Variants in CEACAM6 observed in about 807,000 individuals in gnomAD.
CEACAM6 encodes cell adhesion molecule CEACAM6.
In CEACAM6, 21 loss-of-function variants were observed where a neutral mutation model predicts 32.4. The ratio of observed to expected loss-of-function variants is 0.65; its 90% CI spans 0.46 to 0.93. The LOEUF (loss-of-function observed/expected upper bound fraction) is 0.93, where lower values mean the gene tolerates loss of function less well. Among genes scored for constraint, CEACAM6 ranks in the 40% least tolerant of loss-of-function variants. The pLI is 0.00. For missense variants in CEACAM6, 406 were observed against 432.2 expected, an observed-to-expected ratio of 0.94 and a Z score of 0.54; for synonymous variants, 184 against 174.4, an observed-to-expected ratio of 1.06 and a Z score of -0.43.
intron 2 of CEACAM6, among the ~76,000 whole-genome samples, chr19:41,759,305 A>C (rs2072908680): frequency 6.6e-6 from 1 of 152,232 alleles, no homozygotes; most frequent in South Asian, 2.1e-4. Flanking sequence ...GACTCTGCCC[A>C]GTTTAGATGA....
intron 4 of CEACAM6, among the ~76,000 whole-genome samples, chr19:41,763,285 C>T (rs932960704): frequency 6.6e-6 from 1 of 152,188 alleles, no homozygotes; most frequent in Non-Finnish European, 1.5e-5. Context: ...TGACCCACAG[C>T]CTGACCCCTG....
At chr19:41,763,772 C>A (rs1479429348) in intron 4 of CEACAM6, among the ~76,000 whole-genome samples, 1 of 152,204 alleles carries the variant, frequency 6.6e-6, no homozygotes, top group African/African-American at 2.4e-5. Context: ...CGGCAATCTT[C>A]TCTCTGTTTT....
intron 4 of CEACAM6, among the ~76,000 whole-genome samples, chr19:41,762,774 G>A (rs1476984194): frequency 6.6e-6 from 1 of 152,162 alleles, no homozygotes. Context: ...ACCTAAGGTG[G>A]AACCAGGGCA....
Position 41,769,915 on chromosome 19 carries a change from C to T in CEACAM6, c.*41-887C>T, listed in dbSNP as rs370322259. Among the ~76,000 whole-genome samples the T allele has an allele frequency of 2.3e-3, 340 of 149,130 alleles. 1 individual carries two copies. Among genetic ancestry groups the T allele is most frequent in the African/African-American group, 7.8e-3 (320 of 40,896 alleles). The stretch of plus-strand genomic sequence containing the variant: ...TTATTTGCTCAATAAAAATCTGCTC[C>T]CTTTATAACAGGATACATTTGAAAA... On this transcript the variant is annotated intron_variant, in intron 5 of 5. Transcript: ENST00000199764.
At position 41,756,839 on chromosome 19, in the gene CEACAM6, T is replaced by C. The variant is rs1555821195; in HGVS notation, c.304T>C (p.Tyr102His). ...CGCATACAGTGGTCGAGAGACAATA[T>C]ACCCCAATGCATCCCTGCTGATCCA... ...GPAYSGRETI[Y>H]PNASLLIQNV... The change falls in exon 2 of 6, where the codon TAC becomes CAC. Residue 102 changes from tyrosine (Y) to histidine (H), a missense_variant. Tyr to His is a moderately conservative substitution (Grantham distance 83). Transcript: ENST00000199764. 1.2e-6 allele frequency: 2 copies of C among 1,613,958 alleles called. No individual in the cohort carries two copies. Among genetic ancestry groups the C allele is most frequent in the Non-Finnish European group, 1.7e-6 (2 of 1,180,014 alleles).
At position 41,757,451 on chromosome 19, in the gene CEACAM6, G is replaced by A. The variant is rs1488176210; in HGVS notation, c.424+492G>A. 2.6e-5 allele frequency among the ~76,000 whole-genome samples: 4 copies of A among 152,144 alleles called. No homozygotes were observed. The East Asian group carries it at 7.7e-4, about 29-fold the overall frequency. On this transcript the variant is annotated intron_variant, in intron 2 of 5. Coordinates refer to ENST00000199764, the MANE Select transcript of CEACAM6 (RefSeq NM_002483.7). ...TTGGGCAGGGCTGGCTGGGAGCAAG[G>A]ATGTGAGCTATCCAAGGGCCATGAC...
intron 4 of CEACAM6, among the ~76,000 whole-genome samples, chr19:41,765,342 G>C (rs782786267): frequency 1.3e-5 from 2 of 152,140 alleles, no homozygotes; most frequent in African/African-American, 4.8e-5. Context: ...ATTAACCATC[G>C]CACTGAGATG....
Position 41,761,493 on chromosome 19 carries a change from C to A in CEACAM6, c.669C>A (p.Ala223=). 3 of 1,614,216 alleles carry A rather than the reference C, an allele frequency of 1.9e-6. No homozygotes were observed. Among genetic ancestry groups the A allele is most frequent in the Non-Finnish European group, 1.7e-6 (2 of 1,180,042 alleles). The change falls in exon 3 of 6, where the codon GCC becomes GCA. Residue 223 remains alanine (A), a synonymous_variant. Transcript: ENST00000199764. ...YECEIQNPAS[A]NRSDPVTLNV... is the part of the protein sequence containing the mutation. ...GTGAAATACAGAACCCAGCGAGTGC[C>A]AACCGCAGTGACCCAGTCACCCTGA... is the stretch of plus-strand genomic sequence containing the variant.
Position 41,761,956 on chromosome 19 carries a change from C to A in CEACAM6, c.704-13C>A. On this transcript the variant is annotated splice_polypyrimidine_tract_variant and intron_variant, in intron 3 of 5. Coordinates refer to ENST00000199764, the MANE Select transcript of CEACAM6 (RefSeq NM_002483.7). ...TGACAACATCACCTGTGGCTTTATT[C>A]TGTTTCCTCCAGATGGCCCAGATGT... is the stretch of plus-strand genomic sequence containing the variant. The A allele has an allele frequency of 6.2e-7, 1 of 1,613,478 alleles. No homozygotes were observed. The highest frequency in any genetic ancestry group is 8.5e-7 in the Non-Finnish European group (1 of 1,179,536).
intron 4 of CEACAM6, among the ~76,000 whole-genome samples, chr19:41,763,800 C>T (rs1032180189): frequency 2.0e-5 from 3 of 152,160 alleles, no homozygotes; most frequent in Admixed American, 6.5e-5. Flanking sequence ...GCGGAGCTGC[C>T]CAAGCCCTCG....
chr19:41,765,251 T>C (rs2072949558), intron 4 of CEACAM6, among the ~76,000 whole-genome samples: 1 of 152,172 alleles, frequency 6.6e-6, no homozygotes, highest in African/African-American at 2.4e-5. Flanking sequence ...AGTTACTGTA[T>C]AAATCAAATG....
chr19:41,763,874 A>T (rs573720957), intron 4 of CEACAM6, among the ~76,000 whole-genome samples: 4 of 152,368 alleles, frequency 2.6e-5, no homozygotes, highest in Admixed American at 6.5e-5. Flanking sequence ...ATCTGTGAAC[A>T]GAGATAATTT....
Position 41,755,546 on chromosome 19 carries a change from C to A in CEACAM6, c.-93C>A. 8.3e-7 allele frequency: 1 copy of A among 1,208,216 alleles called. No homozygotes were observed. The highest frequency in any genetic ancestry group is 1.2e-6 in the Non-Finnish European group (1 of 822,964). The allele number at this position is 1,208,216 out of a possible 1,614,324, so 74.8% of individuals were successfully genotyped here. A position where few individuals can be genotyped will look rare whatever the true frequency, so the allele number is the denominator to read the frequency against. ...AGGCTCAGCACAGAAGGAGGAAGGA[C>A]AGCAGGGCCAACAGTCACAGCAGCC... On this transcript the variant is annotated 5_prime_UTR_variant, in exon 1 of 6. Transcript: ENST00000199764.
Position 41,761,544 on chromosome 19 carries a change from CCT to C in CEACAM6, c.703+20_703+21del, listed in dbSNP as rs2072924451. 6.2e-7 allele frequency: 1 copy of C among 1,611,972 alleles called. No homozygotes were observed. Among genetic ancestry groups the C allele is most frequent in the African/African-American group, 1.3e-5 (1 of 74,890 alleles). ...ATGTCCTCTGTGAGTATCTTCTGTT[CCT>C]CTGTGGCCCAGGCTGCCAGCCCAAA... On this transcript the variant is annotated intron_variant, in intron 3 of 5. Coordinates refer to ENST00000199764, the MANE Select transcript of CEACAM6 (RefSeq NM_002483.7).
At chr19:41,761,650 T>C in intron 3 of CEACAM6, 123 bp downstream of exon 3, 1 of 1,513,430 alleles carries the variant, frequency 6.6e-7, no homozygotes. Flanking sequence ...GGCCATGACT[T>C]CCTGCCCTGA....
intron 2 of CEACAM6, among the ~76,000 whole-genome samples, chr19:41,757,317 G>A (rs1484282986): frequency 6.6e-6 from 1 of 152,080 alleles, no homozygotes; most frequent in African/African-American, 2.4e-5. Context: ...GGACCCCTCA[G>A]AGAGAAGCTC....
At chr19:41,768,003 G>A (rs2072966193) in intron 5 of CEACAM6, among the ~76,000 whole-genome samples, 1 of 152,200 alleles carries the variant, frequency 6.6e-6, no homozygotes, top group Admixed American at 6.5e-5. Flanking sequence ...AAATCTAACA[G>A]ATTATAAGCC....
At chr19:41,763,526 C>A (rs1452450708) in intron 4 of CEACAM6, among the ~76,000 whole-genome samples, 5 of 152,220 alleles carry the variant, frequency 3.3e-5, no homozygotes, top group Non-Finnish European at 7.3e-5. Flanking sequence ...GAGGCTGTGG[C>A]TGTCAGTCCT....
chr19:41,757,133 C>T lies in CEACAM6; in HGVS notation c.424+174C>T, dbSNP rs542119378. 9.3e-4 allele frequency among the ~76,000 whole-genome samples: 141 copies of T among 152,184 alleles called. 1 individual carries two copies. The highest frequency in any genetic ancestry group is 3.4e-3 in the African/African-American group (139 of 41,488). On this transcript the variant is annotated intron_variant, in intron 2 of 5. Coordinates refer to ENST00000199764, the MANE Select transcript of CEACAM6 (RefSeq NM_002483.7). Reference sequence around the variant, plus strand: ...GACAAACTTCCACAGATCAGAATTCCTTTCCTGGATCCAGACCCTGCAGAC... The same window carrying T: ...GACAAACTTCCACAGATCAGAATTCTTTTCCTGGATCCAGACCCTGCAGAC...
Sources: allele counts gnomAD v4.1 joint callset (sites outside exome capture counted in the v4.1 genomes callset), GRCh38; gene constraint gnomAD v4.1.1; transcripts MANE v1.5; gene names NCBI Gene and HGNC (gene_info 2026-07-23, HGNC 2026-07-21).